MYLK2: variants seen among roughly 807,000 people sequenced by gnomAD.
The protein encoded by MYLK2 is myosin light chain kinase 2, skeletal/cardiac muscle.
Under a neutral mutation model 58.2 loss-of-function variants are expected in MYLK2, and 27 were observed. That is an observed-to-expected ratio of 0.46 (90% CI 0.34 to 0.64). The LOEUF is 0.64. MYLK2 is among the 30% of genes least tolerant of loss of function. MYLK2 has a pLI of 0.01. For synonymous variants in MYLK2, 310 were observed against 296.7 expected, an observed-to-expected ratio of 1.04 and a Z score of -0.46; for missense variants, 676 against 764.3, an observed-to-expected ratio of 0.88 and a Z score of 1.36.
chr20:31,834,063 GGCCCCCGTTGAAGCC>G lies in MYLK2; in HGVS notation c.*269_*283del. 1 of 520,520 alleles carries G rather than the reference GGCCCCCGTTGAAGCC, an allele frequency of 1.9e-6. No homozygotes were observed. The highest frequency in any genetic ancestry group is 3.5e-6 in the Non-Finnish European group (1 of 287,658). 32.2% of individuals were successfully genotyped at this position (520,520 alleles called of 1,614,324 possible). A position where few individuals can be genotyped will look rare whatever the true frequency, so the allele number is the denominator to read the frequency against. ...CCTGTCGGCCACACCCCAGACTCCA[GGCCCCCGTTGAAGCC>G]GCTCCCGGTTCCCTCCCCAGCTCCT... On this transcript the variant is annotated 3_prime_UTR_variant, in exon 13 of 13. Coordinates refer to ENST00000375985, the MANE Select transcript of MYLK2 (RefSeq NM_033118.4).
Position 31,833,656 on chromosome 20 carries a change from C to T in MYLK2, c.1711-61C>T, listed in dbSNP as rs6089093. 307,080 of 1,454,772 alleles carry T rather than the reference C, an allele frequency of 0.21. 37,908 individuals are homozygous for T. The highest frequency in any genetic ancestry group is 0.48 in the African/African-American group (34,270 of 71,654). 90.1% of individuals were successfully genotyped at this position (1,454,772 alleles called of 1,614,324 possible). A position where few individuals can be genotyped will look rare whatever the true frequency, so the allele number is the denominator to read the frequency against. ...GAAGGGGACTTACAGGCTGCTCAGA[C>T]ACCCTGCAGCTGCCCCCCTGCCCTG... On this transcript the variant is annotated intron_variant, in intron 12 of 12. Coordinates refer to ENST00000375985, the MANE Select transcript of MYLK2 (RefSeq NM_033118.4).
In MYLK2 at chr20:31,819,563, C is replaced by A; in HGVS notation, c.-18C>A. On this transcript the variant is annotated 5_prime_UTR_variant, in exon 2 of 13. Coordinates refer to ENST00000375985, the MANE Select transcript of MYLK2 (RefSeq NM_033118.4). Reference sequence around the variant, plus strand: ...AAGACTTGAGTTAGACAAGCAGCAGCACACGCCTCCCTACCTCATGGCGAC... The same window carrying A: ...AAGACTTGAGTTAGACAAGCAGCAGAACACGCCTCCCTACCTCATGGCGAC... 2 of 1,551,498 alleles carry A rather than the reference C, an allele frequency of 1.3e-6. No homozygotes were observed. The highest frequency in any genetic ancestry group is 1.7e-6 in the Non-Finnish European group (2 of 1,146,990).
intron 2 of MYLK2, 117 bp downstream of exon 2, chr20:31,819,749 G>A (rs534202603): frequency 9.0e-5 from 112 of 1,242,894 alleles, no homozygotes; most frequent in Admixed American, 4.6e-4. Context: ...CATGGTGCAC[G>A]GGGGACCCAG....
In MYLK2 at chr20:31,821,606, A is replaced by G. The variant is rs2123128037; in HGVS notation, c.641A>G (p.Gln214Arg). 4 of 1,614,100 alleles carry G rather than the reference A, an allele frequency of 2.5e-6. No individual in the cohort carries two copies. The highest frequency in any genetic ancestry group is 2.2e-5 in the East Asian group (1 of 44,884). ...QKEVGEKTPG[Q>R]AGQAKMQGDT... ...GAAGTGGGAGAGAAAACCCCAGGCC[A>G]GGCTGGCCAGGCTAAGATGCAAGGG... The change falls in exon 4 of 13, where the codon CAG becomes CGG. Residue 214 changes from glutamine to arginine, a missense_variant. Gln to Arg is a conservative substitution (Grantham distance 43). Around this residue, in one of 2 missense-constraint regions of MYLK2, gnomAD observed 306 missense variants for 296.5 expected, o/e 1.03. Coordinates refer to ENST00000375985, the MANE Select transcript of MYLK2 (RefSeq NM_033118.4).
chr20:31,826,945 G>C lies in MYLK2; in HGVS notation c.1224+7G>C. 1 of 1,614,012 alleles carries C rather than the reference G, an allele frequency of 6.2e-7. No individual in the cohort carries two copies. Among genetic ancestry groups the C allele is most frequent in the Non-Finnish European group, 8.5e-7 (1 of 1,179,984 alleles). On this transcript the variant is annotated splice_region_variant and intron_variant, in intron 8 of 12. Coordinates refer to ENST00000375985, the MANE Select transcript of MYLK2 (RefSeq NM_033118.4). ...TTTGCACCTGGACCTCAAGGTACCA[G>C]ACTGGGGCCTCCTGGGAAGGGTCAG...
Position 31,831,117 on chromosome 20 carries a change from G to A in MYLK2, c.1400G>A (p.Ser467Asn). ...ATCTCCGATAAGACAGACATGTGGA[G>A]TATGGGGGTGATCACCTACATGCTG... ...DQISDKTDMW[S>N]MGVITYMLLS... Residue 467 changes from serine (S) to asparagine (N), a missense_variant, in exon 10 of 13, where the codon AGT becomes AAT. Transcript: ENST00000375985. 1 of 1,614,146 alleles carries A rather than the reference G, an allele frequency of 6.2e-7. No homozygotes were observed. Among genetic ancestry groups the A allele is most frequent in the Non-Finnish European group, 8.5e-7 (1 of 1,180,002 alleles).
intron 3 of MYLK2, 98 bp downstream of exon 3, chr20:31,820,644 C>T: frequency 1.4e-6 from 2 of 1,424,142 alleles, no homozygotes; most frequent in Non-Finnish European, 1.9e-6. Context: ...TCATCACATT[C>T]AGTGCTGGGG....
intron 8 of MYLK2, among the ~76,000 whole-genome samples, chr20:31,829,105 A>G (rs2062293266): frequency 1.3e-5 from 2 of 152,184 alleles, no homozygotes; most frequent in Admixed American, 6.5e-5. Flanking sequence ...TGGTGCCTGC[A>G]TGATGACATT....
intron 5 of MYLK2, chr20:31,824,012 C>CT (rs2062265785): frequency 1.0e-6 from 1 of 985,330 alleles, no homozygotes; most frequent in East Asian, 1.1e-4. Flanking sequence ...GCCATCCTCC[C>CT]TACACGCCTG....
intron 5 of MYLK2, 143 bp downstream of exon 5, chr20:31,823,725 C>T: frequency 2.1e-6 from 2 of 937,462 alleles, no homozygotes; most frequent in Non-Finnish European, 3.3e-6. Flanking sequence ...GTGTGGGACA[C>T]ACACTGTGTG....
rs369435472 is a variant in MYLK2 at position 31,826,793 on chromosome 20, A to C, written c.1083-4A>C. ...GCAAGCCGTGGAGGGGTCTGTGCACACAGCATCGAGGGCGGAGAGCTCTTC... is the reference window on the plus strand; with the variant it reads ...GCAAGCCGTGGAGGGGTCTGTGCACCCAGCATCGAGGGCGGAGAGCTCTTC... On this transcript the variant is annotated splice_region_variant and splice_polypyrimidine_tract_variant and intron_variant, in intron 7 of 12. Coordinates refer to ENST00000375985, the MANE Select transcript of MYLK2 (RefSeq NM_033118.4). 1 of 1,614,138 alleles carries C rather than the reference A, an allele frequency of 6.2e-7. No individual in the cohort carries two copies. The highest frequency in any genetic ancestry group is 8.5e-7 in the Non-Finnish European group (1 of 1,180,000).
At chr20:31,827,949 G>A (rs1319995787) in intron 8 of MYLK2, among the ~76,000 whole-genome samples, 2 of 147,264 alleles carry the variant, frequency 1.4e-5, no homozygotes, top group African/African-American at 5.1e-5. Context: ...GTGCAGTGGT[G>A]TGATCTTGGC....
At chr20:31,825,612 AG>A (rs2062274954) in intron 6 of MYLK2, among the ~76,000 whole-genome samples, 1 of 152,044 alleles carries the variant, frequency 6.6e-6, no homozygotes, top group Non-Finnish European at 1.5e-5. Flanking sequence ...GGTAAGGTAG[AG>A]GGGGTACAGG....
chr20:31,823,574 G>T lies in MYLK2; in HGVS notation c.870G>T (p.Ala290=). The change falls in exon 5 of 13, where the codon GCG becomes GCT. Residue 290 remains alanine (A), a synonymous_variant. Transcript: ENST00000375985. The part of the protein sequence containing the change: ...SSEFSMNSKE[A]LGGGKFGAVC... The stretch of plus-strand genomic sequence containing the variant: ...AATTCAGTATGAACTCCAAGGAGGC[G>T]CTCGGAGGGTGAGATCTGGGACCCC... The T allele has an allele frequency of 6.2e-7, 1 of 1,613,792 alleles. No individual in the cohort carries two copies.
intron 8 of MYLK2, among the ~76,000 whole-genome samples, chr20:31,827,815 G>C (rs2062287995): frequency 6.6e-6 from 1 of 150,956 alleles, no homozygotes; most frequent in South Asian, 2.1e-4. Flanking sequence ...CACTGTTCCC[G>C]GCCTGATATC....
intron 3 of MYLK2, 107 bp downstream of exon 3, chr20:31,820,653 G>A (rs2062248329): frequency 2.2e-6 from 3 of 1,372,102 alleles, no homozygotes; most frequent in Admixed American, 1.9e-5. Context: ...TCAGTGCTGG[G>A]GAGTGTAGTT....
At chr20:31,828,297 G>T in intron 8 of MYLK2, 2 of 985,444 alleles carry the variant, frequency 2.0e-6, no homozygotes, top group Non-Finnish European at 2.4e-6. Context: ...AGTGCAGGGG[G>T]TTGGCAGTCC....
At position 31,828,731 on chromosome 20, in the gene MYLK2, G is replaced by C. The variant is rs144074904; in HGVS notation, c.1224+1793G>C. ...CCTGTCCCAGTTTTGCTCTGTGCCCGACACTGTCTGAGTGAGGGTGCCATC... is the reference window on the plus strand; with the variant it reads ...CCTGTCCCAGTTTTGCTCTGTGCCCCACACTGTCTGAGTGAGGGTGCCATC... On this transcript the variant is annotated intron_variant, in intron 8 of 12. Transcript: ENST00000375985. The C allele has an allele frequency of 2.7e-5, 27 of 985,322 alleles. No individual in the cohort carries two copies. In the African/African-American group the frequency reaches 4.4e-4, roughly 16 times the overall value. 61.0% of individuals were successfully genotyped at this position (985,322 alleles called of 1,614,324 possible).
In MYLK2 at chr20:31,833,117, G is replaced by C. The variant is rs1296518452; in HGVS notation, c.1711-600G>C. 2.6e-5 allele frequency among the ~76,000 whole-genome samples: 4 copies of C among 152,196 alleles called. No individual in the cohort carries two copies. The East Asian group carries it at 7.7e-4, about 29-fold the overall frequency. On this transcript the variant is annotated intron_variant, in intron 12 of 12. Transcript: ENST00000375985. ...TGTTGCTCAGGCAAGCAATCCTCCC[G>C]CCTTGGCCTCTCGAAGTGTTGGGAT... is the stretch of plus-strand genomic sequence containing the variant.
Sources: allele counts gnomAD v4.1 joint callset (sites outside exome capture counted in the v4.1 genomes callset), GRCh38; gene constraint gnomAD v4.1.1; regional missense constraint gnomAD v4.1.1; transcripts MANE v1.5; gene names NCBI Gene and HGNC (gene_info 2026-07-23, HGNC 2026-07-21).